GRIA4: variants seen among roughly 807,000 people sequenced by gnomAD.
GRIA4 encodes the protein glutamate receptor 4.
A neutral mutation model predicts 104.0 loss-of-function variants in GRIA4; 34 were observed. That is an observed-to-expected ratio of 0.33 (90% confidence interval 0.25 to 0.44). The LOEUF (loss-of-function observed/expected upper bound fraction) is 0.44. Ranked by LOEUF, GRIA4 falls within the 20% of genes least tolerant of loss-of-function variation. GRIA4 has a pLI of 1.00. For synonymous variants in GRIA4, 386 were observed against 381.9 expected (o/e 1.01, Z -0.13); for missense variants, 750 against 1,096.5 (o/e 0.68, Z 4.46).
At chr11:105,918,122 A>G (rs1947461659) in intron 10 of GRIA4, among the ~76,000 whole-genome samples, 1 of 152,146 alleles carries the variant, frequency 6.6e-6, no homozygotes, top group African/African-American at 2.4e-5. Context: ...TTTAATGCAA[A>G]TAACTATTTA....
intron 4 of GRIA4, among the ~76,000 whole-genome samples, chr11:105,822,546 T>C (rs991758434): frequency 1.3e-5 from 2 of 152,150 alleles, no homozygotes; most frequent in African/African-American, 2.4e-5. Context: ...GCTCAGGGAA[T>C]GCAATGATTT....
At chr11:105,722,619 C>T (rs1170350243) in intron 3 of GRIA4, among the ~76,000 whole-genome samples, 1 of 152,052 alleles carries the variant, frequency 6.6e-6, no homozygotes, top group Non-Finnish European at 1.5e-5. Flanking sequence ...CTCATCATAA[C>T]TTTACTGATA....
At chr11:105,884,373 T>C (rs1278576332) in intron 5 of GRIA4, among the ~76,000 whole-genome samples, 2 of 152,248 alleles carry the variant, frequency 1.3e-5, no homozygotes, top group Non-Finnish European at 2.9e-5. Flanking sequence ...TCACTTTTGT[T>C]GAGATGATGA....
rs533632820 is a variant in GRIA4 at position 105,906,916 on chromosome 11, A to G, written c.1158+1615A>G. ...CCCTAAAAATGTTAACAGGTGGACA[A>G]TGCTAAATGCTAACAGATGGACAAA... On this transcript the variant is annotated intron_variant, in intron 9 of 16. Coordinates refer to ENST00000282499, the MANE Select transcript of GRIA4 (RefSeq NM_000829.4). Among the ~76,000 whole-genome samples, 7 of 152,334 alleles carry G rather than the reference A, an allele frequency of 4.6e-5. No individual in the cohort carries two copies. The South Asian group carries it at 1.0e-3, about 23-fold the overall frequency.
At chr11:105,633,633 G>C (rs1591472684) in intron 3 of GRIA4, among the ~76,000 whole-genome samples, 1 of 152,250 alleles carries the variant, frequency 6.6e-6, no homozygotes, top group East Asian at 1.9e-4. Context: ...AGAGTCTATA[G>C]ATGTAACTCA....
At chr11:105,933,631 A>G in intron 13 of GRIA4, 91 bp from the exon 14 acceptor site, 1 of 917,830 alleles carries the variant, frequency 1.1e-6, no homozygotes, top group Non-Finnish European at 1.6e-6. Context: ...ATGGAAAGAT[A>G]CTAAAACGCT....
In GRIA4 at chr11:105,847,372, G is replaced by A. The variant is rs115777093; in HGVS notation, c.488-14652G>A. On this transcript the variant is annotated intron_variant, in intron 4 of 16. Transcript: ENST00000282499. ...CCAAGTTGCTAACAGGCCAGGGACCGGTAGGGGTCTGCAGATCACGGGTTG... is the reference window on the plus strand; with the variant it reads ...CCAAGTTGCTAACAGGCCAGGGACCAGTAGGGGTCTGCAGATCACGGGTTG... Among the ~76,000 whole-genome samples, 366 of 152,244 alleles carry A rather than the reference G, an allele frequency of 2.4e-3. 2 individuals are homozygous for A. Among genetic ancestry groups the A allele is most frequent in the African/African-American group, 8.4e-3 (350 of 41,552 alleles).
chr11:105,786,930 G>A (rs1941992719), intron 4 of GRIA4, among the ~76,000 whole-genome samples: 1 of 152,164 alleles, frequency 6.6e-6, no homozygotes, highest in Non-Finnish European at 1.5e-5. Flanking sequence ...TAAACAGAAA[G>A]CTATCAGAGC....
At chr11:105,905,945 C>T (rs1316173663) in intron 9 of GRIA4, among the ~76,000 whole-genome samples, 2 of 152,158 alleles carry the variant, frequency 1.3e-5, no homozygotes, top group Non-Finnish European at 2.9e-5. Context: ...TGCAACCATA[C>T]AGCCCCACCA....
chr11:105,959,464 G>A (rs1948679228), intron 14 of GRIA4, among the ~76,000 whole-genome samples: 1 of 152,100 alleles, frequency 6.6e-6, no homozygotes, highest in Admixed American at 6.5e-5. Context: ...GGTCTTTTAT[G>A]TTCCTCTCTA....
At chr11:105,937,315 A>G (rs1001766267) in intron 14 of GRIA4, among the ~76,000 whole-genome samples, 1 of 152,200 alleles carries the variant, frequency 6.6e-6, no homozygotes, top group African/African-American at 2.4e-5. Flanking sequence ...CATCTACTAT[A>G]CTATAGTATT....
At chr11:105,784,367 T>C (rs1408500681) in intron 4 of GRIA4, among the ~76,000 whole-genome samples, 2 of 152,254 alleles carry the variant, frequency 1.3e-5, no homozygotes, top group Non-Finnish European at 2.9e-5. Context: ...TTCTGTAATT[T>C]ACATACAGAT....
chr11:105,801,039 T>C (rs912356906), intron 4 of GRIA4, among the ~76,000 whole-genome samples: 2 of 151,830 alleles, frequency 1.3e-5, no homozygotes, highest in Non-Finnish European at 2.9e-5. Flanking sequence ...TAGTAATTTA[T>C]CACAATAGAA....
chr11:105,828,709 G>C (rs902689374), intron 4 of GRIA4, among the ~76,000 whole-genome samples: 17 of 151,524 alleles, frequency 1.1e-4, no homozygotes, highest in African/African-American at 4.1e-4. Flanking sequence ...CACTCTTTGT[G>C]AGGCCTGTGA....
chr11:105,689,384 A>G (rs1953006636), intron 3 of GRIA4, among the ~76,000 whole-genome samples: 2 of 152,284 alleles, frequency 1.3e-5, no homozygotes, highest in South Asian at 4.1e-4. Context: ...GTGAAATGCA[A>G]ATATCCTAGA....
intron 3 of GRIA4, among the ~76,000 whole-genome samples, chr11:105,682,006 C>T (rs1009796649): frequency 1.3e-5 from 2 of 152,092 alleles, no homozygotes; most frequent in Non-Finnish European, 2.9e-5. Flanking sequence ...CACAACTGCA[C>T]TCCAGCCTGG....
chr11:105,911,949 A>G (rs1055501793), intron 10 of GRIA4: 1 of 1,536,528 alleles, frequency 6.5e-7, no homozygotes, highest in Admixed American at 1.8e-5. Flanking sequence ...ACCATTCCTA[A>G]CTAAGGCTCA....
At position 105,953,814 on chromosome 11, in the gene GRIA4, T is replaced by TA. The variant is rs373814249; in HGVS notation, c.2295-18090dup. Among the ~76,000 whole-genome samples the TA allele has an allele frequency of 4.6e-3, 675 of 146,332 alleles. 3 individuals are homozygous for TA. The highest frequency in any genetic ancestry group is 0.013 in the African/African-American group (519 of 40,008). ...GTATTTTTTAACTCCTACAAACAAA[T>TA]AAAAAAAAAAGACTTTTTCTTAGGG... On this transcript the variant is annotated intron_variant, in intron 14 of 16. Transcript: ENST00000282499.
At chr11:105,676,339 T>G (rs1224673648) in intron 3 of GRIA4, among the ~76,000 whole-genome samples, 1 of 151,728 alleles carries the variant, frequency 6.6e-6, no homozygotes, top group Non-Finnish European at 1.5e-5. Flanking sequence ...TTTCAGGATT[T>G]TACTGCAGAA....
Sources: gnomAD v4.1 joint callset for allele counts (sites outside exome capture counted in the v4.1 genomes callset) on GRCh38, gnomAD v4.1.1 for gene constraint, MANE v1.5 for transcripts, NCBI Gene and HGNC (gene_info 2026-07-23, HGNC 2026-07-21) for gene names.